The following SURF2 variants were observed in gnomAD, a reference collection of about 807,000 sequenced individuals.
The protein encoded by SURF2 is surfeit locus protein 2.
Under a neutral mutation model 26.2 loss-of-function variants are expected in SURF2, and 32 were observed. The ratio of observed to expected loss-of-function variants is 1.22; its 90% CI spans 0.92 to 1.64. The LOEUF (loss-of-function observed/expected upper bound fraction) is 1.64. Among genes scored for constraint, SURF2 ranks in the 40% most tolerant of loss-of-function variants. SURF2 has a pLI of 0.00. For synonymous variants in SURF2, 173 were observed against 139.1 expected, an observed-to-expected ratio of 1.24 and a Z score of -1.71; for missense variants, 415 against 341.6, an observed-to-expected ratio of 1.21 and a Z score of -1.69.
Position 133,361,146 on chromosome 9 carries a change from C to T in SURF2, c.*7C>T, listed in dbSNP as rs2130058657. ...CTGTAAACAGCCAGGTTAATAAAAG[C>T]ACATGCCGTGAAGTTTCGAGAAAGC... On this transcript the variant is annotated 3_prime_UTR_variant, in exon 6 of 6. Coordinates refer to ENST00000371964, the MANE Select transcript of SURF2 (RefSeq NM_017503.5). The T allele has an allele frequency of 6.2e-7, 1 of 1,614,016 alleles. No homozygotes were observed. The highest frequency in any genetic ancestry group is 1.3e-5 in the African/African-American group (1 of 75,064).
chr9:133,357,208 C>T, intron 2 of SURF2, 140 bp downstream of exon 2: 2 of 1,107,346 alleles, frequency 1.8e-6, no homozygotes, highest in South Asian at 1.8e-5. Flanking sequence ...CTGGAATCAC[C>T]TGCGGTCCCA....
At chr9:133,360,709 C>T (rs1179032) in intron 5 of SURF2, among the ~76,000 whole-genome samples, 3,517 of 152,320 alleles carry the variant, frequency 0.023, 119 homozygotes, top group African/African-American at 0.079. Context: ...TGAGCTGTGG[C>T]GTGTTTGTCC....
intron 3 of SURF2, among the ~76,000 whole-genome samples, chr9:133,358,927 G>A (rs964147250): frequency 1.3e-5 from 2 of 152,194 alleles, no homozygotes; most frequent in African/African-American, 4.8e-5. Context: ...CAGCCCTCCC[G>A]AAGCATGAGT....
rs2130033088 is a variant in SURF2, at chr9:133,357,147, C to A, written c.233+79C>A. 1.6e-4 allele frequency: 227 copies of A among 1,402,436 alleles called. 1 individual carries two copies. The East Asian group carries it at 3.0e-3, about 19-fold the overall frequency. 86.9% of individuals were successfully genotyped at this position (1,402,436 alleles called of 1,614,324 possible). A position where few individuals can be genotyped will look rare whatever the true frequency, so the allele number is the denominator to read the frequency against. On this transcript the variant is annotated intron_variant, in intron 2 of 5. Coordinates refer to ENST00000371964, the MANE Select transcript of SURF2 (RefSeq NM_017503.5). ...CGCTGGACTCCGCCAGTGCTGCAGCCCCTACTCTTTCAGAGTTGGGAGCCC... is the reference window on the plus strand; with the variant it reads ...CGCTGGACTCCGCCAGTGCTGCAGCACCTACTCTTTCAGAGTTGGGAGCCC...
chr9:133,359,044 C>T (rs1836681892), intron 3 of SURF2, among the ~76,000 whole-genome samples: 1 of 152,142 alleles, frequency 6.6e-6, no homozygotes, highest in Non-Finnish European at 1.5e-5. Flanking sequence ...TTTTTCCAGC[C>T]AGTGTGTTAG....
intron 5 of SURF2, 74 bp from the exon 6 acceptor site, chr9:133,360,982 G>C (rs928695408): frequency 1.3e-6 from 2 of 1,492,994 alleles, no homozygotes; most frequent in Admixed American, 3.4e-5. Flanking sequence ...TGGGTGGGGA[G>C]AGCCCTGCAC....
At chr9:133,359,838 A>T (rs1836705854) in intron 3 of SURF2, 112 bp from the exon 4 acceptor site, 2 of 1,295,104 alleles carry the variant, frequency 1.5e-6, no homozygotes, top group Non-Finnish European at 2.1e-6. Flanking sequence ...GTTTTTGTCC[A>T]GGGCGGTGGG....
At chr9:133,360,166 A>C (rs2130048461) in intron 4 of SURF2, 37 bp downstream of exon 4, 148 of 1,590,788 alleles carry the variant, frequency 9.3e-5, no homozygotes, top group Non-Finnish European at 1.3e-4. Flanking sequence ...CTGACCCTCT[A>C]CTGTCAGCAG....
chr9:133,356,724 G>A, intron 1 of SURF2, 54 bp downstream of exon 1: 9 of 1,474,026 alleles, frequency 6.1e-6, no homozygotes, highest in African/African-American at 1.4e-5. Context: ...GTTGGGATGA[G>A]GGGCTGAGGG....
In SURF2 at chr9:133,356,567, C is replaced by A; in HGVS notation, c.-26C>A. ...TCCAGGTTCTGCGAGCGGCTTCCGC[C>A]GGGCTGCTCCGCGGGCGCGTCGGCC... On this transcript the variant is annotated 5_prime_UTR_variant, in exon 1 of 6. Transcript: ENST00000371964. 8 of 1,509,786 alleles carry A rather than the reference C, an allele frequency of 5.3e-6. No homozygotes were observed. The highest frequency in any genetic ancestry group is 7.0e-6 in the Non-Finnish European group (8 of 1,137,024). 93.5% of individuals were successfully genotyped at this position (1,509,786 alleles called of 1,614,324 possible). A position where few individuals can be genotyped will look rare whatever the true frequency, so the allele number is the denominator to read the frequency against.
Position 133,356,563 on chromosome 9 carries a change from C to T in SURF2, c.-30C>T, listed in dbSNP as rs908842246. 2.7e-6 allele frequency: 4 copies of T among 1,508,976 alleles called. No homozygotes were observed. The highest frequency in any genetic ancestry group is 1.4e-5 in the African/African-American group (1 of 69,192). The allele number at this position is 1,508,976 out of a possible 1,614,324, so 93.5% of individuals were successfully genotyped here. A position where few individuals can be genotyped will look rare whatever the true frequency, so the allele number is the denominator to read the frequency against. ...CGGCTCCAGGTTCTGCGAGCGGCTT[C>T]CGCCGGGCTGCTCCGCGGGCGCGTC... On this transcript the variant is annotated 5_prime_UTR_variant, in exon 1 of 6. Coordinates refer to ENST00000371964, the MANE Select transcript of SURF2 (RefSeq NM_017503.5).
At chr9:133,360,243 C>T in intron 4 of SURF2, 22 bp from the exon 5 acceptor site, 9 of 1,610,418 alleles carry the variant, frequency 5.6e-6, no homozygotes, top group Non-Finnish European at 7.6e-6. Context: ...TAACTGTCAG[C>T]CAATCCCTGT....
chr9:133,360,654 G>C (rs782015994), intron 5 of SURF2, among the ~76,000 whole-genome samples: 1 of 152,214 alleles, frequency 6.6e-6, no homozygotes, highest in East Asian at 1.9e-4. Flanking sequence ...TGTGGACCAC[G>C]GTCAAGACCA....
chr9:133,358,557 C>T (rs2130040072), intron 3 of SURF2, among the ~76,000 whole-genome samples: 5 of 152,206 alleles, frequency 3.3e-5, no homozygotes, highest in African/African-American at 9.6e-5. Flanking sequence ...GGGTGAGCAC[C>T]CGGCGAGAGT....
In SURF2 at chr9:133,357,081, C is replaced by T; in HGVS notation, c.233+13C>T. 1.9e-6 allele frequency: 3 copies of T among 1,551,480 alleles called. No homozygotes were observed. The highest frequency in any genetic ancestry group is 2.6e-6 in the Non-Finnish European group (3 of 1,147,244). The stretch of plus-strand genomic sequence containing the variant: ...GCACCAAGAACCCGTAGGTGGTCCG[C>T]GGCGGCGCGGGGAGGCCCAGGGCAA... On this transcript the variant is annotated intron_variant, in intron 2 of 5. Coordinates refer to ENST00000371964, the MANE Select transcript of SURF2 (RefSeq NM_017503.5).
intron 2 of SURF2, chr9:133,357,363 C>G: frequency 1.9e-6 from 1 of 516,646 alleles, no homozygotes; most frequent in Non-Finnish European, 3.4e-6. Context: ...CAGAAGGGGT[C>G]TTTGATTTAG....
chr9:133,356,836 AAGGGGGCGCGGCAGG>A lies in SURF2; in HGVS notation c.79-70_79-56del. On this transcript the variant is annotated intron_variant, in intron 1 of 5. Transcript: ENST00000371964. ...GCGGCGGGATCAGGGGAGGAGAGGGAAGGGGGCGCGGCAGGAGGGGGCACCAGGGAGCGGAGCCCT... is the reference window on the plus strand; with the variant it reads ...GCGGCGGGATCAGGGGAGGAGAGGGAAGGGGGCACCAGGGAGCGGAGCCCT... 5 of 1,443,958 alleles carry A rather than the reference AAGGGGGCGCGGCAGG, an allele frequency of 3.5e-6. 1 individual carries two copies. In the South Asian group the frequency reaches 4.1e-5, roughly 12 times the overall value. 89.4% of individuals were successfully genotyped at this position (1,443,958 alleles called of 1,614,324 possible). A position where few individuals can be genotyped will look rare whatever the true frequency, so the allele number is the denominator to read the frequency against.
chr9:133,357,733 A>G lies in SURF2; in HGVS notation c.256A>G (p.Thr86Ala), dbSNP rs1836646345. The G allele has an allele frequency of 3.7e-6, 6 of 1,613,632 alleles. No individual in the cohort carries two copies. The East Asian group carries it at 1.3e-4, about 36-fold the overall frequency. ...TAGGCACCAGTTGTTCTGCAAACTC[A>G]CCCTGCGGCACATCAACAAGTGCCC... ...KNPHQLFCKL[T>A]LRHINKCPEH... The change falls in exon 3 of 6, where the codon ACC becomes GCC. Residue 86 changes from threonine to alanine, a missense_variant. By Grantham distance (58) the Thr-to-Ala change is moderately conservative. Transcript: ENST00000371964.
chr9:133,359,700 G>T (rs924318955), intron 3 of SURF2, among the ~76,000 whole-genome samples: 2 of 152,258 alleles, frequency 1.3e-5, no homozygotes, highest in African/African-American at 2.4e-5. Flanking sequence ...GGCCTGGCTA[G>T]ATCGGGGATG....
Sources: allele counts gnomAD v4.1 joint callset (sites outside exome capture counted in the v4.1 genomes callset), GRCh38; gene constraint gnomAD v4.1.1; transcripts MANE v1.5; gene names NCBI Gene and HGNC (gene_info 2026-07-23, HGNC 2026-07-21).